SMAD4: variants seen among roughly 807,000 people sequenced by gnomAD.
The protein encoded by SMAD4 is MAD homolog 4.
Under a neutral mutation model 63.2 loss-of-function variants are expected in SMAD4, and 7 were observed. The ratio of observed to expected loss-of-function variants is 0.11; its 90% CI spans 0.06 to 0.21. SMAD4 has a LOEUF of 0.21. SMAD4 is among the 10% of genes least tolerant of loss of function. The pLI is 1.00. For missense variants in SMAD4, 312 were observed against 693.8 expected (o/e 0.45, Z 6.18); for synonymous variants, 215 against 235.4 (o/e 0.91, Z 0.79).
chr18:51,077,306 G>T, intron 11 of SMAD4: 2 of 746,010 alleles, frequency 2.7e-6, no homozygotes, highest in Non-Finnish European at 3.3e-6. Context: ...TTTTACTGCA[G>T]AGTTAAACTC....
Position 51,058,228 on chromosome 18 carries a change from A to T in SMAD4, c.771A>T (p.Pro257=), listed in dbSNP as rs2144427654. 1 of 1,614,246 alleles carries T rather than the reference A, an allele frequency of 6.2e-7. No homozygotes were observed. Among genetic ancestry groups the T allele is most frequent in the Non-Finnish European group, 8.5e-7 (1 of 1,180,036 alleles). The part of the protein sequence containing the change: ...GQQQNGFTGQ[P]ATYHHNSTTT... ...AGCAGAATGGATTTACTGGTCAGCC[A>T]GCTACTTACCATCATAGTATGTACA... Residue 257 remains proline, a synonymous_variant, in exon 6 of 12, where the codon CCA becomes CCT. Coordinates refer to ENST00000342988, the MANE Select transcript of SMAD4 (RefSeq NM_005359.6).
chr18:51,040,360 G>T (rs1909338283), intron 1 of SMAD4, among the ~76,000 whole-genome samples: 2 of 151,662 alleles, frequency 1.3e-5, no homozygotes, highest in Non-Finnish European at 2.9e-5. Context: ...GGAGGCAGAA[G>T]TGGCAGTGAG....
intron 1 of SMAD4, among the ~76,000 whole-genome samples, chr18:51,040,953 T>C (rs1177591955): frequency 1.3e-5 from 2 of 152,234 alleles, no homozygotes; most frequent in African/African-American, 2.4e-5. Context: ...CATTGAGTTA[T>C]CTAGAAATGG....
At chr18:51,077,080 C>A in intron 11 of SMAD4, 1 of 200,724 alleles carries the variant, frequency 5.0e-6, no homozygotes, top group African/African-American at 2.3e-5. Flanking sequence ...GCCTCACCAG[C>A]CAGGGTGGGT....
At chr18:51,042,351 C>G (rs1909412552) in intron 1 of SMAD4, among the ~76,000 whole-genome samples, 1 of 109,774 alleles carries the variant, frequency 9.1e-6, no homozygotes, top group Non-Finnish European at 1.8e-5. Context: ...CTCTTTCTCT[C>G]TGTTTTCTTT....
Position 51,047,305 on chromosome 18 carries a change from AT to A in SMAD4, c.249+11del. 1.2e-6 allele frequency: 2 copies of A among 1,610,432 alleles called. No individual in the cohort carries two copies. Among genetic ancestry groups the A allele is most frequent in the Non-Finnish European group, 1.7e-6 (2 of 1,177,744 alleles). On this transcript the variant is annotated intron_variant, in intron 2 of 11. Coordinates refer to ENST00000342988, the MANE Select transcript of SMAD4 (RefSeq NM_005359.6). ...GGATGGGAGGCTTCAGGTTAGTCTT[AT>A]AAGAGTTTTTCTATACCCTCTATGG...
At chr18:51,049,406 T>C in intron 4 of SMAD4, 82 bp downstream of exon 4, 1 of 1,001,270 alleles carries the variant, frequency 1.0e-6, no homozygotes, top group Non-Finnish European at 1.6e-6. Flanking sequence ...TTAGTTTGTG[T>C]GAGCGGCAGG....
intron 8 of SMAD4, among the ~76,000 whole-genome samples, chr18:51,062,705 T>C (rs1019468941): frequency 1.3e-5 from 2 of 149,912 alleles, no homozygotes; most frequent in Non-Finnish European, 3.0e-5. Flanking sequence ...CACCATGTTA[T>C]CCAGGCTGGT....
At chr18:51,060,264 T>A (rs142956769) in intron 8 of SMAD4, among the ~76,000 whole-genome samples, 1 of 152,322 alleles carries the variant, frequency 6.6e-6, no homozygotes, top group Non-Finnish European at 1.5e-5. Context: ...GGAAAGAATC[T>A]TAAGTACATG....
intron 8 of SMAD4, among the ~76,000 whole-genome samples, chr18:51,064,148 T>G (rs1351784433): frequency 6.6e-6 from 1 of 152,224 alleles, no homozygotes; most frequent in East Asian, 1.9e-4. Flanking sequence ...CTTCAAATTC[T>G]AGTTTAAAGT....
At chr18:51,078,229 T>G in intron 11 of SMAD4, 27 bp from the exon 12 acceptor site, 1 of 1,591,494 alleles carries the variant, frequency 6.3e-7, no homozygotes, top group Non-Finnish European at 8.6e-7. Context: ...CCTGTCCCTC[T>G]GATGTCTTCC....
In SMAD4 at chr18:51,066,333, G is replaced by T. The variant is rs183372873; in HGVS notation, c.1140-686G>T. On this transcript the variant is annotated intron_variant, in intron 9 of 11. Coordinates refer to ENST00000342988, the MANE Select transcript of SMAD4 (RefSeq NM_005359.6). ...CACCCCAGCCTGGGTGACAGAGTGA[G>T]ACTCCATTTCAAAAAAAAAAAAAAA... Among the ~76,000 whole-genome samples, 5 of 137,728 alleles carry T rather than the reference G, an allele frequency of 3.6e-5. No homozygotes were observed. In the East Asian group the frequency reaches 1.1e-3, roughly 29 times the overall value. 90.4% of individuals were successfully genotyped at this position (137,728 alleles called of 152,430 possible).
chr18:51,076,844 G>C (rs1910486067), intron 11 of SMAD4, 68 bp downstream of exon 11: 1 of 1,254,288 alleles, frequency 8.0e-7, no homozygotes, highest in Non-Finnish European at 1.1e-6. Context: ...TTACTCAGTT[G>C]ATTAGTTTCT....
In SMAD4 at chr18:51,058,371, T is replaced by C. The variant is rs764640081; in HGVS notation, c.819T>C (p.Thr273=). 6.2e-7 allele frequency: 1 copy of C among 1,614,180 alleles called. No individual in the cohort carries two copies. Among genetic ancestry groups the C allele is most frequent in the South Asian group, 1.1e-5 (1 of 91,086 alleles). Residue 273 remains threonine (T), a synonymous_variant, in exon 7 of 12, where the codon ACT becomes ACC. Coordinates refer to ENST00000342988, the MANE Select transcript of SMAD4 (RefSeq NM_005359.6). ...NSTTTWTGSR[T]APYTPNLPHH... ...CTACCACCTGGACTGGAAGTAGGAC[T>C]GCACCATACACACCTAATTTGCCTC...
Position 51,075,026 on chromosome 18 carries a change from A to G in SMAD4, c.1309-1612A>G, listed in dbSNP as rs542433825. Among the ~76,000 whole-genome samples the G allele has an allele frequency of 3.3e-5, 5 of 152,260 alleles. No homozygotes were observed. In the South Asian group the frequency reaches 6.2e-4, roughly 19 times the overall value. On this transcript the variant is annotated intron_variant, in intron 10 of 11. Coordinates refer to ENST00000342988, the MANE Select transcript of SMAD4 (RefSeq NM_005359.6). ...TGCCCCTGTCATTGCTTTCTTTACT[A>G]AAGTATTTTAGGACCTAATAGTCCA... is the stretch of plus-strand genomic sequence containing the variant.
At chr18:51,043,013 T>C (rs1347431227) in intron 1 of SMAD4, among the ~76,000 whole-genome samples, 1 of 152,254 alleles carries the variant, frequency 6.6e-6, no homozygotes, top group Non-Finnish European at 1.5e-5. Context: ...ACTTCTTTAT[T>C]ATACATTCTA....
At chr18:51,047,764 A>G (rs1200594189) in intron 2 of SMAD4, among the ~76,000 whole-genome samples, 3 of 152,118 alleles carry the variant, frequency 2.0e-5, no homozygotes, top group Non-Finnish European at 2.9e-5. Flanking sequence ...AAGTGCAACC[A>G]TGCCTGGCTA....
intron 7 of SMAD4, among the ~76,000 whole-genome samples, chr18:51,058,820 C>A (rs1354479685): frequency 6.6e-6 from 1 of 152,150 alleles, no homozygotes; most frequent in Non-Finnish European, 1.5e-5. Flanking sequence ...AGGTTTCCCT[C>A]AGCGTAGTAT....
At chr18:51,042,614 G>C (rs892156280) in intron 1 of SMAD4, among the ~76,000 whole-genome samples, 7 of 152,050 alleles carry the variant, frequency 4.6e-5, no homozygotes, top group Non-Finnish European at 8.8e-5. Flanking sequence ...TTTGTTGCCA[G>C]GCTGGTCCTG....
Sources: allele counts gnomAD v4.1 joint callset (sites outside exome capture counted in the v4.1 genomes callset), GRCh38; gene constraint gnomAD v4.1.1; transcripts MANE v1.5; gene names NCBI Gene and HGNC (gene_info 2026-07-23, HGNC 2026-07-21).